The following PPARGC1A variants were observed in gnomAD, a reference collection of about 807,000 sequenced individuals.
The protein encoded by PPARGC1A is peroxisome proliferator-activated receptor gamma coactivator 1-alpha.
A neutral mutation model predicts 88.7 loss-of-function variants in PPARGC1A; 25 were observed. That is an observed-to-expected ratio of 0.28 (90% confidence interval 0.21 to 0.39). The LOEUF is 0.39. Ranked by LOEUF, PPARGC1A falls within the 10% of genes least tolerant of loss-of-function variation. The pLI, the probability that PPARGC1A is intolerant of heterozygous loss-of-function variation, is 1.00. For synonymous variants in PPARGC1A, 363 were observed against 355.6 expected (o/e 1.02, Z -0.24); for missense variants, 880 against 968.7 (o/e 0.91, Z 1.22).
chr4:24,207,300 G>A, the PPARGC1A span, among the ~76,000 whole-genome samples: 7 of 152,166 alleles, frequency 4.6e-5, no homozygotes, highest in East Asian at 3.9e-4. Context: ...GACAGAAACC[G>A]CATGCATACT....
chr4:23,992,908 CACAA>C, the PPARGC1A span, among the ~76,000 whole-genome samples: 3,046 of 152,168 alleles, frequency 0.02, 92 homozygotes, highest in African/African-American at 0.069. Flanking sequence ...ACATTTAATT[CACAA>C]AGCACTTTCT....
chr4:24,339,227 T>TAC, the PPARGC1A span, among the ~76,000 whole-genome samples: 501 of 89,590 alleles, frequency 5.6e-3, 9 homozygotes, highest in African/African-American at 0.017. Flanking sequence ...TATATATATA[T>TAC]ATATATATAT....
At position 23,794,492 on chromosome 4, in the gene PPARGC1A, T is replaced by C. The variant is rs779344716; in HGVS notation, c.*1330A>G. The C allele has an allele frequency of 6.6e-6, 1 of 152,506 alleles. No individual in the cohort carries two copies. The highest frequency in any genetic ancestry group is 1.5e-5 in the Non-Finnish European group (1 of 68,018). The allele number at this position is 152,506 out of a possible 1,614,324, so 9.4% of individuals were successfully genotyped here. The stretch of plus-strand genomic sequence containing the variant: ...TGCGGAAAGCATCATTTTGCTCTTG[T>C]TGCACTCAACAGACACACACACTGT... On this transcript the variant is annotated 3_prime_UTR_variant, in exon 13 of 13. Transcript: ENST00000264867.
chr4:24,422,699 C>T, the PPARGC1A span, among the ~76,000 whole-genome samples: 1,959 of 150,774 alleles, frequency 0.013, 41 homozygotes, highest in African/African-American at 0.044. Flanking sequence ...TTCTTAATAA[C>T]CCAACAACAC....
chr4:24,256,289 G>C, the PPARGC1A span, among the ~76,000 whole-genome samples: 1 of 152,122 alleles, frequency 6.6e-6, no homozygotes, highest in African/African-American at 2.4e-5. Flanking sequence ...GGTTTGTCTT[G>C]CATACCAAAA....
At chr4:23,935,011 A>AG in the PPARGC1A span, among the ~76,000 whole-genome samples, 1 of 152,222 alleles carries the variant, frequency 6.6e-6, no homozygotes, top group Non-Finnish European at 1.5e-5. Context: ...GTACTTGGGC[A>AG]GAAACCAAGC....
chr4:23,937,817 A>G, the PPARGC1A span, among the ~76,000 whole-genome samples: 1 of 152,216 alleles, frequency 6.6e-6, no homozygotes, highest in East Asian at 1.9e-4. Context: ...TCTGTGGCTC[A>G]CAGGTACTTT....
At chr4:23,840,783 T>A (rs1435947357) in intron 2 of PPARGC1A, among the ~76,000 whole-genome samples, 1 of 152,146 alleles carries the variant, frequency 6.6e-6, no homozygotes, top group African/African-American at 2.4e-5. Context: ...TGGATTTTCA[T>A]TCTTCTTTTG....
chr4:24,467,101 AAG>A, the PPARGC1A span, among the ~76,000 whole-genome samples: 2 of 141,318 alleles, frequency 1.4e-5, no homozygotes, highest in Non-Finnish European at 3.1e-5. Flanking sequence ...AGAGAGAGAG[AAG>A]GAGGGAGGGA....
chr4:24,433,265 C>T, the PPARGC1A span, among the ~76,000 whole-genome samples: 1 of 152,028 alleles, frequency 6.6e-6, no homozygotes, highest in African/African-American at 2.4e-5. Flanking sequence ...AACCACTGTC[C>T]CTGTATGTTT....
chr4:24,230,925 G>A, the PPARGC1A span, among the ~76,000 whole-genome samples: 2 of 137,780 alleles, frequency 1.5e-5, no homozygotes, highest in African/African-American at 5.3e-5. Context: ...GAGAAGTAAG[G>A]AAACAGACAG....
the PPARGC1A span, among the ~76,000 whole-genome samples, chr4:24,426,187 C>A: frequency 6.6e-6 from 1 of 152,132 alleles, no homozygotes; most frequent in Admixed American, 6.5e-5. Flanking sequence ...TAATATAATA[C>A]TTCGTAATTC....
At chr4:24,239,552 G>A in the PPARGC1A span, among the ~76,000 whole-genome samples, 828 of 152,222 alleles carry the variant, frequency 5.4e-3, 23 homozygotes, top group East Asian at 0.088. Flanking sequence ...TATAAGACAG[G>A]GCTAGGAATA....
chr4:24,271,770 G>A, the PPARGC1A span, among the ~76,000 whole-genome samples: 1 of 152,136 alleles, frequency 6.6e-6, no homozygotes, highest in Admixed American at 6.5e-5. Flanking sequence ...AAACATAGTA[G>A]TACCTACCTT....
the PPARGC1A span, among the ~76,000 whole-genome samples, chr4:23,954,826 G>T: frequency 6.6e-6 from 1 of 151,908 alleles, no homozygotes; most frequent in East Asian, 1.9e-4. Flanking sequence ...GATATTTACA[G>T]TAATTGAAGA....
At chr4:24,087,783 T>C in the PPARGC1A span, among the ~76,000 whole-genome samples, 1 of 152,200 alleles carries the variant, frequency 6.6e-6, no homozygotes, top group Non-Finnish European at 1.5e-5. Context: ...TTTTCCAGGA[T>C]GGTTATATGC....
intron 2 of PPARGC1A, among the ~76,000 whole-genome samples, chr4:23,839,884 A>G (rs1375860586): frequency 6.6e-6 from 1 of 152,032 alleles, no homozygotes; most frequent in Non-Finnish European, 1.5e-5. Context: ...CGACAACAGC[A>G]CAGGAAAGAC....
At chr4:23,943,610 C>A in the PPARGC1A span, among the ~76,000 whole-genome samples, 1 of 152,120 alleles carries the variant, frequency 6.6e-6, no homozygotes, top group African/African-American at 2.4e-5. Context: ...ATGCTTCCCC[C>A]TCTAGAAAGT....
At chr4:24,388,928 G>A in the PPARGC1A span, among the ~76,000 whole-genome samples, 4 of 151,942 alleles carry the variant, frequency 2.6e-5, no homozygotes, top group Non-Finnish European at 5.9e-5. Context: ...TGTAACAAAC[G>A]TGCACGTTCT....
Sources: allele counts gnomAD v4.1 joint callset (sites outside exome capture counted in the v4.1 genomes callset), GRCh38; gene constraint gnomAD v4.1.1; transcripts MANE v1.5; gene names NCBI Gene and HGNC (gene_info 2026-07-23, HGNC 2026-07-21).